Variants in GALNT13 observed in about 807,000 individuals in gnomAD.
GALNT13 encodes the protein UDP-GalNAc:polypeptide N-acetylgalactosaminyltransferase 13.
Under a neutral mutation model 64.2 loss-of-function variants are expected in GALNT13, and 28 were observed. That is an observed-to-expected ratio of 0.44 (90% CI 0.32 to 0.60). GALNT13 has a LOEUF of 0.60. GALNT13 is among the 20% of genes least tolerant of loss of function. The pLI, the probability that GALNT13 is intolerant of heterozygous loss-of-function variation, is 0.05. For missense variants in GALNT13, 577 were observed against 669.8 expected (o/e 0.86, Z 1.53); for synonymous variants, 214 against 224.6 (o/e 0.95, Z 0.42).
At chr2:153,101,252 T>A in the GALNT13 span, among the ~76,000 whole-genome samples, 1 of 152,182 alleles carries the variant, frequency 6.6e-6, no homozygotes, top group Non-Finnish European at 1.5e-5. Flanking sequence ...GGTAATATTA[T>A]TTAATTTTGT....
At chr2:154,200,372 T>C (rs1190364134) in intron 4 of GALNT13, among the ~76,000 whole-genome samples, 1 of 152,120 alleles carries the variant, frequency 6.6e-6, no homozygotes, top group East Asian at 1.9e-4. Context: ...GGTAAGAGTA[T>C]GGCAAGAGGA....
the GALNT13 span, chr2:153,478,199 A>T: frequency 6.5e-7 from 1 of 1,543,096 alleles, no homozygotes; most frequent in Non-Finnish European, 8.8e-7. Flanking sequence ...CAAAGTGGGC[A>T]GGCGTGGGAG....
the GALNT13 span, among the ~76,000 whole-genome samples, chr2:153,538,326 C>CTTTTTTTTTTTTTTTTTTT: frequency 9.9e-6 from 1 of 100,846 alleles, no homozygotes; most frequent in Admixed American, 9.5e-5. Context: ...TTTTTTAATT[C>CTTTTTTTTTTTTTTTTTTT]TTTTTTTTTT....
intron 11 of GALNT13, chr2:154,436,063 G>C (rs985276368): frequency 1.3e-5 from 2 of 151,904 alleles, no homozygotes; most frequent in African/African-American, 2.4e-5. Flanking sequence ...TATTTCCCAG[G>C]TACACAAAGC....
the GALNT13 span, among the ~76,000 whole-genome samples, chr2:153,716,318 C>A: frequency 1.1e-4 from 17 of 152,160 alleles, no homozygotes; most frequent in Admixed American, 1.1e-3. Flanking sequence ...AATTTGTAAA[C>A]TTTCTTAAAA....
At chr2:153,294,379 G>C in the GALNT13 span, among the ~76,000 whole-genome samples, 1 of 152,112 alleles carries the variant, frequency 6.6e-6, no homozygotes, top group South Asian at 2.1e-4. Context: ...AGTTATAATG[G>C]ATTTTTTAAA....
At chr2:153,629,204 A>ATT in the GALNT13 span, among the ~76,000 whole-genome samples, 931 of 149,076 alleles carry the variant, frequency 6.2e-3, 9 homozygotes, top group African/African-American at 0.021. Flanking sequence ...CCCCTTTATC[A>ATT]TTTTTTTTTT....
the GALNT13 span, among the ~76,000 whole-genome samples, chr2:153,131,845 A>G: frequency 1.3e-5 from 2 of 151,916 alleles, no homozygotes; most frequent in Non-Finnish European, 2.9e-5. Context: ...GTATGAGTAA[A>G]TTGATGAGTG....
chr2:153,658,493 C>G, the GALNT13 span, among the ~76,000 whole-genome samples: 14 of 152,120 alleles, frequency 9.2e-5, no homozygotes, highest in South Asian at 4.1e-4. Context: ...ATAGCAGGGT[C>G]TTGGCCTTAG....
At chr2:154,109,293 T>TC (rs1307855979) in intron 3 of GALNT13, among the ~76,000 whole-genome samples, 1 of 152,176 alleles carries the variant, frequency 6.6e-6, no homozygotes, top group East Asian at 1.9e-4. Context: ...AGTTTGTTCT[T>TC]AGTGTCTATA....
chr2:153,370,438 C>A, the GALNT13 span, among the ~76,000 whole-genome samples: 1 of 152,172 alleles, frequency 6.6e-6, no homozygotes, highest in African/African-American at 2.4e-5. Context: ...CAAATGAAAT[C>A]CAGCAATCTA....
the GALNT13 span, among the ~76,000 whole-genome samples, chr2:153,129,266 G>T: frequency 6.6e-6 from 1 of 152,098 alleles, no homozygotes. Flanking sequence ...ACTACAAAAG[G>T]CTAATCAAAG....
intron 3 of GALNT13, among the ~76,000 whole-genome samples, chr2:154,050,471 C>T (rs1699539498): frequency 6.6e-6 from 1 of 152,052 alleles, no homozygotes; most frequent in East Asian, 1.9e-4. Context: ...TGTATAATTT[C>T]CCCTGGGAAA....
the GALNT13 span, among the ~76,000 whole-genome samples, chr2:153,626,278 T>C: frequency 6.6e-6 from 1 of 152,166 alleles, no homozygotes; most frequent in Middle Eastern, 3.4e-3. Flanking sequence ...AAACACAACC[T>C]AAATATTAAA....
chr2:154,066,458 T>TA (rs199643801), intron 3 of GALNT13, among the ~76,000 whole-genome samples: 10 of 149,744 alleles, frequency 6.7e-5, no homozygotes, highest in Non-Finnish European at 1.3e-4. Context: ...AGGTGAAAGA[T>TA]AAAAAAAAGG....
chr2:153,809,941 A>G, the GALNT13 span, among the ~76,000 whole-genome samples: 3 of 152,060 alleles, frequency 2.0e-5, no homozygotes, highest in African/African-American at 7.2e-5. Context: ...TAAATATGCT[A>G]TAACATTTCT....
chr2:153,851,735 T>G, the GALNT13 span, among the ~76,000 whole-genome samples: 1 of 151,980 alleles, frequency 6.6e-6, no homozygotes, highest in Non-Finnish European at 1.5e-5. Flanking sequence ...GGAATCTACA[T>G]CTATACAAAT....
the GALNT13 span, among the ~76,000 whole-genome samples, chr2:153,824,269 G>A: frequency 2.0e-5 from 3 of 152,094 alleles, no homozygotes; most frequent in Non-Finnish European, 4.4e-5. Context: ...CACACTGTTG[G>A]TGTGTAACTA....
chr2:154,261,276 C>T (rs74674067), intron 8 of GALNT13, among the ~76,000 whole-genome samples: 6,305 of 152,148 alleles, frequency 0.041, 187 homozygotes, highest in Non-Finnish European at 0.058. Context: ...AAATAAAATA[C>T]TTATCAGTGA....
Sources: allele counts gnomAD v4.1 joint callset (sites outside exome capture counted in the v4.1 genomes callset), GRCh38; gene constraint gnomAD v4.1.1; transcripts MANE v1.5; gene names NCBI Gene and HGNC (gene_info 2026-07-23, HGNC 2026-07-21).